The following MACROD2 variants were observed in gnomAD, a reference collection of about 807,000 sequenced individuals.
MACROD2 encodes ADP-ribose glycohydrolase MACROD2.
MACROD2 carries 36 observed loss-of-function variants against 70.4 expected under a neutral mutation model. That is an observed-to-expected ratio of 0.51 (90% CI 0.39 to 0.68). MACROD2 has a LOEUF of 0.68. Ranked by LOEUF, MACROD2 falls within the 30% of genes least tolerant of loss-of-function variation. The pLI, the probability that MACROD2 is intolerant of heterozygous loss-of-function variation, is 0.00. For synonymous variants in MACROD2, 172 were observed against 178.8 expected, an observed-to-expected ratio of 0.96 and a Z score of 0.30; for missense variants, 496 against 538.4, an observed-to-expected ratio of 0.92 and a Z score of 0.78.
intron 3 of MACROD2, among the ~76,000 whole-genome samples, chr20:14,242,937 G>A (rs2081941388): frequency 6.6e-6 from 1 of 152,136 alleles, no homozygotes; most frequent in Non-Finnish European, 1.5e-5. Flanking sequence ...TCACGTAAAA[G>A]TAACCTCTTC....
intron 3 of MACROD2, among the ~76,000 whole-genome samples, chr20:14,350,010 A>G (rs1442971495): frequency 6.6e-6 from 1 of 151,606 alleles, no homozygotes; most frequent in African/African-American, 2.4e-5. Flanking sequence ...CAGCCTCCCA[A>G]AGTGCTGGGA....
chr20:14,867,950 T>C (rs2073445803), intron 5 of MACROD2, among the ~76,000 whole-genome samples: 1 of 152,048 alleles, frequency 6.6e-6, no homozygotes, highest in African/African-American at 2.4e-5. Flanking sequence ...CAATCACAAC[T>C]GATTTTTCCT....
At chr20:14,560,558 G>A (rs558180453) in intron 4 of MACROD2, among the ~76,000 whole-genome samples, 1 of 151,972 alleles carries the variant, frequency 6.6e-6, no homozygotes, top group African/African-American at 2.4e-5. Context: ...TTTTATTAAT[G>A]ATTATTACTC....
At chr20:14,269,544 G>A (rs1401788170) in intron 3 of MACROD2, among the ~76,000 whole-genome samples, 1 of 151,974 alleles carries the variant, frequency 6.6e-6, no homozygotes, top group Non-Finnish European at 1.5e-5. Context: ...AGTATTTTGG[G>A]GGTAAAGAGC....
chr20:15,541,549 C>T (rs1600561186), intron 8 of MACROD2, among the ~76,000 whole-genome samples: 2 of 152,126 alleles, frequency 1.3e-5, no homozygotes, highest in African/African-American at 4.8e-5. Flanking sequence ...ATAAGTGACA[C>T]ATCTCCATAC....
Position 14,566,114 on chromosome 20 carries a change from CG to C in MACROD2, c.301+72607del, listed in dbSNP as rs535258272. On this transcript the variant is annotated intron_variant, in intron 4 of 17. Coordinates refer to ENST00000684519, the MANE Select transcript of MACROD2 (RefSeq NM_001351661.2). The stretch of plus-strand genomic sequence containing the variant: ...ATATACTGGGCAAATATTTGTAACT[CG>C]TGTGATAAATATAGGTTTATTTTCC... Among the ~76,000 whole-genome samples, 895 of 151,810 alleles carry C rather than the reference CG, an allele frequency of 5.9e-3. 8 individuals carry two copies. Among genetic ancestry groups the C allele is most frequent in the Admixed American group, 9.6e-3 (146 of 15,224 alleles).
intron 5 of MACROD2, among the ~76,000 whole-genome samples, chr20:15,150,520 G>A (rs2145859797): frequency 6.6e-6 from 1 of 152,144 alleles, no homozygotes; most frequent in East Asian, 1.9e-4. Context: ...TGCTGTAGCA[G>A]GCGAGTGATA....
At chr20:15,742,707 T>C (rs2051123070) in intron 8 of MACROD2, among the ~76,000 whole-genome samples, 1 of 152,228 alleles carries the variant, frequency 6.6e-6, no homozygotes, top group Non-Finnish European at 1.5e-5. Context: ...AAATAACTCT[T>C]CAGTTTGAAT....
rs563238168 is a variant in MACROD2, at chr20:15,465,000, A to G, written c.571+33565A>G. Among the ~76,000 whole-genome samples, 5 of 151,832 alleles carry G rather than the reference A, an allele frequency of 3.3e-5. No homozygotes were observed. In the South Asian group the frequency reaches 8.4e-4, roughly 25 times the overall value. ...GATTTGATTTTTTTACTCTCTTTCT[A>G]CCCTCAGCATATTCCCCAGTAAAAG... On this transcript the variant is annotated intron_variant, in intron 7 of 17. Coordinates refer to ENST00000684519, the MANE Select transcript of MACROD2 (RefSeq NM_001351661.2).
chr20:15,944,211 G>C (rs915437137), intron 12 of MACROD2, among the ~76,000 whole-genome samples: 2 of 151,996 alleles, frequency 1.3e-5, no homozygotes, highest in African/African-American at 4.8e-5. Flanking sequence ...ATTGATTTAC[G>C]AGGGAAAAGG....
chr20:15,411,909 A>G (rs1317176926), intron 6 of MACROD2, among the ~76,000 whole-genome samples: 3 of 152,166 alleles, frequency 2.0e-5, no homozygotes, highest in Non-Finnish European at 4.4e-5. Context: ...GCTTGGAATC[A>G]TGGGAGTGGG....
At chr20:14,517,422 C>CA (rs1341146774) in intron 4 of MACROD2, among the ~76,000 whole-genome samples, 4 of 152,068 alleles carry the variant, frequency 2.6e-5, no homozygotes, top group Non-Finnish European at 5.9e-5. Flanking sequence ...TCATTCTCAG[C>CA]AAAGTAACAC....
intron 5 of MACROD2, among the ~76,000 whole-genome samples, chr20:15,046,486 T>C (rs541894533): frequency 6.6e-6 from 1 of 152,338 alleles, no homozygotes; most frequent in African/African-American, 2.4e-5. Context: ...GTGACACAAT[T>C]ACTCCCAGTA....
chr20:15,182,024 G>A (rs2076504520), intron 5 of MACROD2, among the ~76,000 whole-genome samples: 2 of 151,604 alleles, frequency 1.3e-5, no homozygotes, highest in African/African-American at 2.4e-5. Flanking sequence ...TACCCCTAGA[G>A]TACAGGACCT....
intron 6 of MACROD2, among the ~76,000 whole-genome samples, chr20:15,329,335 C>T (rs563354298): frequency 3.3e-5 from 5 of 152,116 alleles, no homozygotes; most frequent in South Asian, 2.1e-4. Flanking sequence ...TTTAGGGTGA[C>T]GTTTGGAATC....
chr20:15,205,387 A>G (rs980614626), intron 5 of MACROD2, among the ~76,000 whole-genome samples: 1 of 148,178 alleles, frequency 6.7e-6, no homozygotes, highest in Admixed American at 6.8e-5. Context: ...AGGGGCTTCT[A>G]TTTTTTTTTT....
intron 4 of MACROD2, among the ~76,000 whole-genome samples, chr20:14,632,508 G>C (rs900539548): frequency 1.3e-5 from 2 of 151,940 alleles, no homozygotes; most frequent in African/African-American, 4.8e-5. Flanking sequence ...TAATGATAAG[G>C]GTTCTTTTCT....
At chr20:15,942,803 C>T (rs1352885387) in intron 12 of MACROD2, among the ~76,000 whole-genome samples, 1 of 152,168 alleles carries the variant, frequency 6.6e-6, no homozygotes, top group African/African-American at 2.4e-5. Context: ...GCTAAGGCAG[C>T]TTTCTGGGGG....
At chr20:14,740,404 A>G (rs1212581726) in intron 5 of MACROD2, among the ~76,000 whole-genome samples, 3 of 152,174 alleles carry the variant, frequency 2.0e-5, no homozygotes, top group Non-Finnish European at 2.9e-5. Flanking sequence ...CCTGCTTGCA[A>G]TTGGAAAACA....
Sources: allele counts gnomAD v4.1 joint callset (sites outside exome capture counted in the v4.1 genomes callset), GRCh38; gene constraint gnomAD v4.1.1; transcripts MANE v1.5; gene names NCBI Gene and HGNC (gene_info 2026-07-23, HGNC 2026-07-21).